Variants in ABCC12 observed in about 807,000 individuals in gnomAD.
The protein encoded by ABCC12 is ATP-binding cassette sub-family C member 12.
In ABCC12, 142 loss-of-function variants were observed where a neutral mutation model predicts 151.1. The observed-to-expected ratio is 0.94, with a 90% CI of 0.82 to 1.08. The LOEUF (loss-of-function observed/expected upper bound fraction) is 1.08, where lower values mean the gene tolerates loss of function less well. Among genes scored for constraint, ABCC12 ranks in the 50% least tolerant of loss-of-function variants. The pLI is 0.00. For synonymous variants in ABCC12, 645 were observed against 646.4 expected (o/e 1.00, Z 0.03); for missense variants, 1,638 against 1,691.1 (o/e 0.97, Z 0.55).
chr16:48,083,726 C>T lies in ABCC12; in HGVS notation c.4069G>A (p.Val1357Ile). ...AGCCGCCAGGACCTCTACAATCTGACTTCTGCTGCTAGTAACATCGCAAAT... is the reference window on the plus strand; with the variant it reads ...AGCCGCCAGGACCTCTACAATCTGATTTCTGCTGCTAGTAACATCGCAAAT... Reference protein sequence around the residue: ...SAFAMLLAAEVRL With the variant: ...SAFAMLLAAEIRL Residue 1357 changes from valine to isoleucine, a missense_variant, in exon 31 of 31, where the codon GTC becomes ATC. Val to Ile is a conservative substitution (Grantham distance 29). Transcript: ENST00000311303. The T allele has an allele frequency of 6.2e-7, 1 of 1,614,218 alleles. No homozygotes were observed. The highest frequency in any genetic ancestry group is 1.3e-5 in the African/African-American group (1 of 75,068).
intron 7 of ABCC12, among the ~76,000 whole-genome samples, chr16:48,138,931 T>C (rs1596628825): frequency 6.6e-6 from 1 of 152,196 alleles, no homozygotes; most frequent in South Asian, 2.1e-4. Flanking sequence ...ATTGCACCAC[T>C]GCACTCCAGC....
At chr16:48,148,334 T>C (rs995831269) in intron 2 of ABCC12, among the ~76,000 whole-genome samples, 3 of 151,828 alleles carry the variant, frequency 2.0e-5, no homozygotes, top group Non-Finnish European at 4.4e-5. Context: ...CCTCCTGGGC[T>C]CAAGTGATCC....
chr16:48,145,110 G>A (rs1005107110), intron 3 of ABCC12, among the ~76,000 whole-genome samples: 1 of 152,240 alleles, frequency 6.6e-6, no homozygotes, highest in South Asian at 2.1e-4. Context: ...AAAGTGGACA[G>A]TTAGAGATCT....
intron 8 of ABCC12, among the ~76,000 whole-genome samples, chr16:48,137,410 C>T (rs1239914979): frequency 6.6e-6 from 1 of 152,172 alleles, no homozygotes; most frequent in Non-Finnish European, 1.5e-5. Context: ...CAAATTTAAT[C>T]AAATCAAATT....
intron 11 of ABCC12, among the ~76,000 whole-genome samples, chr16:48,127,534 C>A (rs547713796): frequency 1.7e-4 from 26 of 152,272 alleles, no homozygotes; most frequent in Non-Finnish European, 1.6e-4. Context: ...AGAGCCCAGA[C>A]TCTGCAGCCA....
At chr16:48,131,369 T>C (rs966213447) in intron 9 of ABCC12, among the ~76,000 whole-genome samples, 2 of 152,154 alleles carry the variant, frequency 1.3e-5, no homozygotes, top group Non-Finnish European at 2.9e-5. Context: ...TGGAGGGACC[T>C]GCTTGCCCCT....
intron 2 of ABCC12, among the ~76,000 whole-genome samples, chr16:48,151,716 T>C (rs537222356): frequency 8.2e-4 from 125 of 152,312 alleles, no homozygotes; most frequent in African/African-American, 3.0e-3. Flanking sequence ...TTCAAGATGA[T>C]GGTTACCTCT....
intron 27 of ABCC12, 24 bp downstream of exon 27, chr16:48,087,902 T>C (rs762480617): frequency 1.9e-6 from 3 of 1,600,566 alleles, no homozygotes; most frequent in African/African-American, 2.7e-5. Flanking sequence ...AAAATAGAAA[T>C]GCACAATGAT....
intron 24 of ABCC12, 75 bp from the exon 25 acceptor site, chr16:48,091,284 C>G (rs1962882836): frequency 7.5e-7 from 1 of 1,337,664 alleles, no homozygotes; most frequent in Middle Eastern, 1.9e-4. Context: ...GTTCAGGAGG[C>G]AGTCCTAGTG....
chr16:48,124,317 T>C (rs199991850), intron 11 of ABCC12, 33 bp from the exon 12 acceptor site: 98 of 1,605,042 alleles, frequency 6.1e-5, no homozygotes, highest in Non-Finnish European at 7.5e-5. Context: ...ACACAGTCAC[T>C]CTCTCCCACT....
intron 4 of ABCC12, 44 bp from the exon 5 acceptor site, chr16:48,141,397 T>G: frequency 1.2e-6 from 2 of 1,608,610 alleles, no homozygotes; most frequent in Non-Finnish European, 1.7e-6. Flanking sequence ...GGCACTTCTA[T>G]GTGCTGTTTG....
intron 8 of ABCC12, 74 bp downstream of exon 8, chr16:48,138,154 G>T (rs968319736): frequency 8.2e-6 from 12 of 1,460,444 alleles, no homozygotes; most frequent in Middle Eastern, 3.7e-4. Context: ...CCTGGCCCTG[G>T]GAACCGTAAG....
rs141913577 is a variant in ABCC12 at position 48,111,430 on chromosome 16, A to G, written c.2281+6T>C. On this transcript the variant is annotated splice_donor_region_variant and intron_variant, in intron 18 of 30. Transcript: ENST00000311303. Reference sequence around the variant, plus strand: ...GTATGTGACTGAGGGGATGTGTGGTAAATACCTTTTGTGTCTACAAATTCT... The same window carrying G: ...GTATGTGACTGAGGGGATGTGTGGTGAATACCTTTTGTGTCTACAAATTCT... 6.2e-7 allele frequency: 1 copy of G among 1,613,684 alleles called. No homozygotes were observed. The highest frequency in any genetic ancestry group is 1.3e-5 in the African/African-American group (1 of 75,040).
chr16:48,144,740 G>A (rs1964941716), intron 3 of ABCC12, among the ~76,000 whole-genome samples: 1 of 152,052 alleles, frequency 6.6e-6, no homozygotes. Context: ...TTTGCCTCCA[G>A]GTTCTTGACT....
Position 48,088,083 on chromosome 16 carries a change from T to C in ABCC12, c.3478A>G (p.Lys1160Glu), listed in dbSNP as rs1374893635. The C allele has an allele frequency of 1.2e-6, 2 of 1,613,456 alleles. No individual in the cohort carries two copies. The highest frequency in any genetic ancestry group is 8.5e-7 in the Non-Finnish European group (1 of 1,179,622). The part of the protein sequence containing the change: ...VGIVGRTGSG[K>E]SSLGMALFRL... ...AACAAAGCCATTCCTAACGATGACT[T>C]TCCTGGGAACCATAAAAGTAAGAAC... is the stretch of plus-strand genomic sequence containing the variant. The change falls in exon 27 of 31, where the codon AAG becomes GAG. Residue 1160 changes from lysine to glutamate, a missense_variant and splice_region_variant. Physicochemically the swap from Lys to Glu is moderately conservative, Grantham distance 56. Transcript: ENST00000311303.
At position 48,111,030 on chromosome 16, in the gene ABCC12, C is replaced by T. The variant is rs561599834; in HGVS notation, c.2281+406G>A. 8.7e-4 allele frequency among the ~76,000 whole-genome samples: 132 copies of T among 152,304 alleles called. 2 individuals carry two copies. The South Asian group carries it at 9.1e-3, about 11-fold the overall frequency. ...GCTCCCCATAAAGAGTGGGAAGCTC[C>T]GTGTCTGCCTTTGCCTCTAACGAAT... On this transcript the variant is annotated intron_variant, in intron 18 of 30. Transcript: ENST00000311303.
At chr16:48,095,018 T>C (rs1484669001) in intron 24 of ABCC12, among the ~76,000 whole-genome samples, 1 of 152,004 alleles carries the variant, frequency 6.6e-6, no homozygotes, top group Non-Finnish European at 1.5e-5. Flanking sequence ...AAGAAACAGA[T>C]AGATGCAAGT....
intron 22 of ABCC12, 131 bp from the exon 23 acceptor site, chr16:48,101,140 T>C (rs1451026875): frequency 9.0e-7 from 1 of 1,117,148 alleles, no homozygotes; most frequent in Middle Eastern, 2.6e-4. Context: ...TAACTGGGGA[T>C]GAAGAGCAGC....
At position 48,088,527 on chromosome 16, in the gene ABCC12, A is replaced by C; in HGVS notation, c.3475+18T>G. Reference sequence around the variant, plus strand: ...AAGAAAACAACCCAAAAGAAACAAAAGCAGAGCTTGTCCTCACCGGAACCT... The same window carrying C: ...AAGAAAACAACCCAAAAGAAACAAACGCAGAGCTTGTCCTCACCGGAACCT... On this transcript the variant is annotated intron_variant, in intron 26 of 30. Transcript: ENST00000311303. 1 of 1,605,290 alleles carries C rather than the reference A, an allele frequency of 6.2e-7. No individual in the cohort carries two copies. The highest frequency in any genetic ancestry group is 8.5e-7 in the Non-Finnish European group (1 of 1,174,914).
Sources: gnomAD v4.1 joint callset for allele counts (sites outside exome capture counted in the v4.1 genomes callset) on GRCh38, gnomAD v4.1.1 for gene constraint, MANE v1.5 for transcripts, NCBI Gene and HGNC (gene_info 2026-07-23, HGNC 2026-07-21) for gene names.